Variants in PCED1B observed in about 807,000 individuals in gnomAD.
PCED1B encodes PC-esterase domain-containing protein 1B.
For synonymous variants in PCED1B, 251 were observed against 246.1 expected (o/e 1.02, Z -0.19); for missense variants, 573 against 573.9 (o/e 1.00, Z 0.02).
chr12:47,138,138 A>G lies in PCED1B; in HGVS notation c.-526+33943A>G, dbSNP rs184944445. On this transcript the variant is annotated intron_variant, in intron 2 of 3. Coordinates refer to ENST00000546455, the MANE Select transcript of PCED1B (RefSeq NM_138371.3). ...CATGGTAAACAGAACATACTGTTCA[A>G]TAGGTAGCAATGCCTCCAAAACATG... The G allele has an allele frequency of 4.6e-5, 7 of 152,354 alleles. No homozygotes were observed. The East Asian group carries it at 1.3e-3, about 29-fold the overall frequency. 9.4% of individuals were successfully genotyped at this position (152,354 alleles called of 1,614,324 possible).
intron 3 of PCED1B, chr12:47,223,427 G>C (rs1943544757): frequency 6.6e-6 from 1 of 152,256 alleles, no homozygotes; most frequent in Admixed American, 6.5e-5. Context: ...GACCCAGTCA[G>C]TGCAAGCAAG....
chr12:47,159,167 TC>T (rs1347212240), intron 2 of PCED1B, among the ~76,000 whole-genome samples: 1 of 152,212 alleles, frequency 6.6e-6, no homozygotes, highest in Non-Finnish European at 1.5e-5. Context: ...TTAGGTTGAT[TC>T]CACATTCTTG....
chr12:47,182,204 C>A (rs1380307344), intron 2 of PCED1B, among the ~76,000 whole-genome samples: 2 of 152,124 alleles, frequency 1.3e-5, no homozygotes, highest in African/African-American at 4.8e-5. Flanking sequence ...AATGTATTTA[C>A]CTGATTTGGT....
intron 1 of PCED1B, among the ~76,000 whole-genome samples, chr12:47,096,297 G>A (rs2137196757): frequency 6.6e-6 from 1 of 152,066 alleles, no homozygotes; most frequent in East Asian, 1.9e-4. Flanking sequence ...AACATGCTCT[G>A]ATAATATAAA....
intron 2 of PCED1B, among the ~76,000 whole-genome samples, chr12:47,191,949 G>A (rs1380423208): frequency 1.3e-5 from 2 of 152,000 alleles, no homozygotes; most frequent in Admixed American, 6.6e-5. Context: ...ACCTAACATG[G>A]CGCTTGCCAC....
At chr12:47,149,510 G>A (rs1592204156) in intron 2 of PCED1B, among the ~76,000 whole-genome samples, 1 of 152,280 alleles carries the variant, frequency 6.6e-6, no homozygotes, top group East Asian at 1.9e-4. Flanking sequence ...CCTACCTATA[G>A]GTGCACTTAT....
chr12:47,097,003 T>C (rs1938508269), intron 1 of PCED1B, among the ~76,000 whole-genome samples: 1 of 152,258 alleles, frequency 6.6e-6, no homozygotes. Flanking sequence ...AAACACTTAC[T>C]AAATGATATT....
intron 2 of PCED1B, among the ~76,000 whole-genome samples, chr12:47,202,957 A>G (rs1452651237): frequency 1.3e-5 from 2 of 149,188 alleles, no homozygotes; most frequent in Non-Finnish European, 3.0e-5. Flanking sequence ...GTAAAGAATT[A>G]CTTCTCTTTT....
At chr12:47,119,661 T>G (rs1939587591) in intron 2 of PCED1B, among the ~76,000 whole-genome samples, 1 of 151,672 alleles carries the variant, frequency 6.6e-6, no homozygotes, top group South Asian at 2.1e-4. Context: ...GTCCAGAATA[T>G]ATATGAACTC....
chr12:47,174,235 C>T (rs1941847713), intron 2 of PCED1B, among the ~76,000 whole-genome samples: 1 of 151,538 alleles, frequency 6.6e-6, no homozygotes, highest in Non-Finnish European at 1.5e-5. Flanking sequence ...ATGGAGAAAA[C>T]CTGGCTCTAG....
At position 47,159,405 on chromosome 12, in the gene PCED1B, A is replaced by G. The variant is rs189201202; in HGVS notation, c.-526+55210A>G. On this transcript the variant is annotated intron_variant, in intron 2 of 3. Coordinates refer to ENST00000546455, the MANE Select transcript of PCED1B (RefSeq NM_138371.3). ...CCCTTTTCTCTTCATCCTTGCCAGCATTAGTTATTTTTTGTCTTTTGATAA... is the reference window on the plus strand; with the variant it reads ...CCCTTTTCTCTTCATCCTTGCCAGCGTTAGTTATTTTTTGTCTTTTGATAA... 3.3e-5 allele frequency among the ~76,000 whole-genome samples: 5 copies of G among 152,262 alleles called. No individual in the cohort carries two copies. In the East Asian group the frequency reaches 9.7e-4, roughly 29 times the overall value.
At chr12:47,230,312 G>C (rs570863683) in intron 3 of PCED1B, among the ~76,000 whole-genome samples, 124 of 151,550 alleles carry the variant, frequency 8.2e-4, no homozygotes, top group African/African-American at 2.2e-3. Flanking sequence ...TCTCCATCTC[G>C]TGACCTCGTG....
At chr12:47,178,969 A>C (rs1275031898) in intron 2 of PCED1B, among the ~76,000 whole-genome samples, 9 of 152,142 alleles carry the variant, frequency 5.9e-5, no homozygotes, top group African/African-American at 2.2e-4. Flanking sequence ...ATAAAAATGC[A>C]TTACTATTGT....
intron 1 of PCED1B, among the ~76,000 whole-genome samples, chr12:47,103,162 T>C (rs941340448): frequency 1.3e-5 from 2 of 152,230 alleles, no homozygotes; most frequent in African/African-American, 4.8e-5. Context: ...GGAATTGGAC[T>C]GTCTGAATCT....
At chr12:47,178,594 C>T (rs1388021732) in intron 2 of PCED1B, among the ~76,000 whole-genome samples, 4 of 151,632 alleles carry the variant, frequency 2.6e-5, no homozygotes, top group East Asian at 1.9e-4. Context: ...TGAGGCCAGG[C>T]GCGGTGGTTC....
At chr12:47,206,526 G>C (rs1217627143) in intron 2 of PCED1B, 3 of 152,196 alleles carry the variant, frequency 2.0e-5, no homozygotes, top group African/African-American at 7.2e-5. Flanking sequence ...TATTGTCAAT[G>C]ATTGGCACCA....
intron 1 of PCED1B, among the ~76,000 whole-genome samples, chr12:47,081,846 A>G (rs924596479): frequency 4.6e-5 from 7 of 152,234 alleles, no homozygotes; most frequent in Non-Finnish European, 1.0e-4. Context: ...TCTAAAAAGA[A>G]TAAGTGATTC....
At chr12:47,089,457 A>AAAAACATAT (rs1250680200) in intron 1 of PCED1B, among the ~76,000 whole-genome samples, 1 of 29,438 alleles carries the variant, frequency 3.4e-5, no homozygotes, top group Non-Finnish European at 7.0e-5. Context: ...AAAAAAAAAA[A>AAAAACATAT]ATACATATAT....
chr12:47,107,211 G>A (rs1469786092), intron 2 of PCED1B, among the ~76,000 whole-genome samples: 1 of 152,138 alleles, frequency 6.6e-6, no homozygotes, highest in Non-Finnish European at 1.5e-5. Flanking sequence ...AGTTTGATTG[G>A]TGAATGCCGG....
Sources: allele counts gnomAD v4.1 joint callset (sites outside exome capture counted in the v4.1 genomes callset), GRCh38; gene constraint gnomAD v4.1.1; transcripts MANE v1.5; gene names NCBI Gene and HGNC (gene_info 2026-07-23, HGNC 2026-07-21).